The following ULK4 variants were observed in gnomAD, a reference collection of about 807,000 sequenced individuals.
ULK4 encodes unc-51 like kinase 4, also known as inactive serine/threonine-protein kinase ULK4.
A neutral mutation model predicts 160.6 loss-of-function variants in ULK4; 133 were observed. The ratio of observed to expected loss-of-function variants is 0.83; its 90% CI spans 0.72 to 0.96. The LOEUF (loss-of-function observed/expected upper bound fraction) is 0.96. Among genes scored for constraint, ULK4 ranks in the 40% least tolerant of loss-of-function variants. The pLI, the probability that ULK4 is intolerant of heterozygous loss-of-function variation, is 0.00. For missense variants in ULK4, 1,580 were observed against 1,499.5 expected (o/e 1.05, Z -0.89); for synonymous variants, 534 against 539.8 (o/e 0.99, Z 0.15).
chr3:41,523,628 A>G (rs1397563683), intron 32 of ULK4, among the ~76,000 whole-genome samples: 5 of 152,158 alleles, frequency 3.3e-5, no homozygotes, highest in South Asian at 2.1e-4. Flanking sequence ...AAGACAGATA[A>G]TAAGTTTAGG....
chr3:41,567,605 C>A (rs931481274), intron 31 of ULK4, among the ~76,000 whole-genome samples: 11 of 151,924 alleles, frequency 7.2e-5, no homozygotes, highest in Non-Finnish European at 1.5e-4. Flanking sequence ...CACCGTCATA[C>A]CCGGCTAATT....
At chr3:41,716,216 AAATAATAATAATAAT>A (rs61340837) in intron 23 of ULK4, among the ~76,000 whole-genome samples, 29 of 139,258 alleles carry the variant, frequency 2.1e-4, no homozygotes, top group African/African-American at 4.3e-4. Context: ...CTGTCTCACA[AAATAATAATAATAAT>A]AATAATAATA....
intron 32 of ULK4, among the ~76,000 whole-genome samples, chr3:41,564,188 C>T (rs571614212): frequency 5.3e-5 from 8 of 152,262 alleles, no homozygotes; most frequent in East Asian, 3.9e-4. Context: ...GTATCACCAG[C>T]GGAGGCTGCA....
chr3:41,896,741 A>G, intron 15 of ULK4, 81 bp downstream of exon 15: 1 of 1,445,782 alleles, frequency 6.9e-7, no homozygotes, highest in Non-Finnish European at 9.2e-7. Context: ...TGGTAGTTAA[A>G]TCAAATTGTT....
intron 31 of ULK4, among the ~76,000 whole-genome samples, chr3:41,593,145 G>A (rs1021464702): frequency 6.6e-6 from 1 of 151,926 alleles, no homozygotes; most frequent in Non-Finnish European, 1.5e-5. Context: ...TTTTATTTTT[G>A]TTGGCCAGTC....
intron 21 of ULK4, among the ~76,000 whole-genome samples, chr3:41,785,303 A>G (rs1559551759): frequency 6.6e-6 from 1 of 152,236 alleles, no homozygotes; most frequent in Middle Eastern, 3.2e-3. Context: ...AATACTCATG[A>G]AAACAGCAAG....
At chr3:41,304,526 A>G (rs2079865937) in intron 35 of ULK4, among the ~76,000 whole-genome samples, 1 of 152,218 alleles carries the variant, frequency 6.6e-6, no homozygotes, top group Non-Finnish European at 1.5e-5. Flanking sequence ...AGTTTTTAGT[A>G]GCAAGCTGCA....
In ULK4 at chr3:41,275,792, C is replaced by T. The variant is rs146200014; in HGVS notation, c.3679-26218G>A. On this transcript the variant is annotated intron_variant, in intron 35 of 36. Transcript: ENST00000301831. ...CCAGAGTCCAAGGTGACACCATCTC[C>T]CCAAGAAATGTACAGTTCTGCCATT... Among the ~76,000 whole-genome samples, 621 of 152,320 alleles carry T rather than the reference C, an allele frequency of 4.1e-3. 8 individuals carry two copies. The highest frequency in any genetic ancestry group is 0.027 in the Middle Eastern group (8 of 294).
At chr3:41,918,250 G>A (rs1699041395) in intron 7 of ULK4, among the ~76,000 whole-genome samples, 1 of 151,986 alleles carries the variant, frequency 6.6e-6, no homozygotes, top group Non-Finnish European at 1.5e-5. Flanking sequence ...TTTAAATGAG[G>A]GAAATCTATT....
At chr3:41,619,626 G>C (rs2033145865) in intron 30 of ULK4, among the ~76,000 whole-genome samples, 1 of 151,914 alleles carries the variant, frequency 6.6e-6, no homozygotes, top group Non-Finnish European at 1.5e-5. Flanking sequence ...GTGCTTACAG[G>C]GAAATTTATA....
chr3:41,395,654 A>C (rs565309457), intron 35 of ULK4, among the ~76,000 whole-genome samples: 5 of 152,278 alleles, frequency 3.3e-5, no homozygotes, highest in African/African-American at 1.2e-4. Context: ...TTTAATAGGC[A>C]CAGAGTTTCA....
intron 35 of ULK4, among the ~76,000 whole-genome samples, chr3:41,296,736 A>T (rs1446269522): frequency 1.3e-5 from 2 of 152,098 alleles, no homozygotes; most frequent in East Asian, 3.9e-4. Context: ...CTAGGAGCTG[A>T]TGAGTGAGGT....
chr3:41,697,857 T>C (rs532288157), intron 27 of ULK4, among the ~76,000 whole-genome samples: 32 of 152,254 alleles, frequency 2.1e-4, no homozygotes, highest in African/African-American at 7.7e-4. Context: ...CAGTAGTGTA[T>C]AGTAATGTCC....
In ULK4 at chr3:41,901,859, A is replaced by G. The variant is rs146479680; in HGVS notation, c.1183-1030T>C. ...ACATTCAATGTGAAATTGAAGCTGT[A>G]ACATAAAAAAAATTTTCAGACTTAA... On this transcript the variant is annotated intron_variant, in intron 12 of 36. Transcript: ENST00000301831. Among the ~76,000 whole-genome samples, 260 of 152,302 alleles carry G rather than the reference A, an allele frequency of 1.7e-3. 1 individual carries two copies. Among genetic ancestry groups the G allele is most frequent in the African/African-American group, 5.9e-3 (247 of 41,570 alleles).
chr3:41,256,018 C>G (rs1222328192), intron 35 of ULK4, among the ~76,000 whole-genome samples: 5 of 152,102 alleles, frequency 3.3e-5, no homozygotes, highest in Non-Finnish European at 7.4e-5. Flanking sequence ...TAAAATATAT[C>G]AGGATCTCTA....
intron 11 of ULK4, among the ~76,000 whole-genome samples, chr3:41,909,358 T>C (rs949644595): frequency 1.2e-4 from 18 of 152,112 alleles, no homozygotes; most frequent in South Asian, 6.2e-4. Flanking sequence ...TATACTTACA[T>C]AGCACATAAA....
At chr3:41,507,600 T>C (rs1391307904) in intron 32 of ULK4, among the ~76,000 whole-genome samples, 1 of 50,352 alleles carries the variant, frequency 2.0e-5, no homozygotes, top group Non-Finnish European at 3.7e-5. Context: ...AATAATATAT[T>C]AAAACCACCA....
chr3:41,880,069 A>C (rs987543435), intron 17 of ULK4, among the ~76,000 whole-genome samples: 14 of 152,114 alleles, frequency 9.2e-5, no homozygotes, highest in Non-Finnish European at 1.3e-4. Flanking sequence ...GCAGTGAGCC[A>C]AGATCACGCC....
chr3:41,897,314 A>G (rs1451852416), intron 14 of ULK4, among the ~76,000 whole-genome samples: 1 of 152,246 alleles, frequency 6.6e-6, no homozygotes. Context: ...CAACTGGAGT[A>G]AAAGACAAAA....
Sources: allele counts gnomAD v4.1 joint callset (sites outside exome capture counted in the v4.1 genomes callset), GRCh38; gene constraint gnomAD v4.1.1; transcripts MANE v1.5; gene names NCBI Gene and HGNC (gene_info 2026-07-23, HGNC 2026-07-21).